The following DCLK2 variants were observed in gnomAD, a reference collection of about 807,000 sequenced individuals.
DCLK2 encodes doublecortin like kinase 2, also known as serine/threonine-protein kinase DCLK2.
Under a neutral mutation model 78.4 loss-of-function variants are expected in DCLK2, and 31 were observed. The observed-to-expected ratio is 0.40, with a 90% CI of 0.30 to 0.53. The LOEUF (loss-of-function observed/expected upper bound fraction) is 0.53. Ranked by LOEUF, DCLK2 falls within the 20% of genes least tolerant of loss-of-function variation. The pLI is 0.61. For synonymous variants in DCLK2, 407 were observed against 374.9 expected (o/e 1.09, Z -0.99); for missense variants, 872 against 973.7 (o/e 0.90, Z 1.39).
Position 150,127,438 on chromosome 4 carries a change from GA to G in DCLK2, c.756+24629del, listed in dbSNP as rs572332071. Among the ~76,000 whole-genome samples, 38 of 152,258 alleles carry G rather than the reference GA, an allele frequency of 2.5e-4. 1 individual carries two copies. Among genetic ancestry groups the G allele is most frequent in the Admixed American group, 1.9e-3 (29 of 15,292 alleles). On this transcript the variant is annotated intron_variant, in intron 2 of 15. Coordinates refer to ENST00000296550, the MANE Select transcript of DCLK2 (RefSeq NM_001040260.4). ...TTCAATTATTTATGTCAGTATGGAT[GA>G]AAGAATATTTTATTGTATGGGTTAT...
chr4:150,133,014 G>A (rs1039116738), intron 2 of DCLK2, among the ~76,000 whole-genome samples: 1 of 152,144 alleles, frequency 6.6e-6, no homozygotes, highest in South Asian at 2.1e-4. Context: ...ACTGATGATT[G>A]ATTAACATTG....
intron 4 of DCLK2, among the ~76,000 whole-genome samples, chr4:150,198,781 A>C (rs2126424588): frequency 6.6e-6 from 1 of 152,232 alleles, no homozygotes; most frequent in Admixed American, 6.5e-5. Flanking sequence ...ATTGTGAAAA[A>C]CCATGATTTT....
At position 150,257,277 on chromosome 4, in the gene DCLK2, T is replaced by G. The variant is rs1016112317; in HGVS notation, c.*1030T>G. 1 of 152,742 alleles carries G rather than the reference T, an allele frequency of 6.5e-6. No individual in the cohort carries two copies. The highest frequency in any genetic ancestry group is 2.4e-5 in the African/African-American group (1 of 41,472). 9.5% of individuals were successfully genotyped at this position (152,742 alleles called of 1,614,324 possible). ...GAAGGCTGCTGGCAGTTTTTCCTTT[T>G]TGTCCACCACCCTGCTCTTTTTAAT... On this transcript the variant is annotated 3_prime_UTR_variant, in exon 16 of 16. Transcript: ENST00000296550.
chr4:150,175,009 A>ATAT (rs1248338560), intron 2 of DCLK2, among the ~76,000 whole-genome samples: 3 of 14,748 alleles, frequency 2.0e-4, no homozygotes, highest in Admixed American at 1.2e-3. Context: ...AAAAAAAAAA[A>ATAT]AAATATATAT....
intron 2 of DCLK2, among the ~76,000 whole-genome samples, chr4:150,171,326 A>G (rs1736514151): frequency 6.6e-6 from 1 of 152,156 alleles, no homozygotes; most frequent in Non-Finnish European, 1.5e-5. Flanking sequence ...TAAAAATACA[A>G]AAAAATTAGC....
chr4:150,174,788 G>A (rs1034852628), intron 2 of DCLK2, among the ~76,000 whole-genome samples: 8 of 151,158 alleles, frequency 5.3e-5, no homozygotes, highest in African/African-American at 1.9e-4. Context: ...CCTGAGGTCA[G>A]GAGTTCAAGA....
At chr4:150,249,830 C>G (rs1743621970) in intron 15 of DCLK2, 146 bp downstream of exon 15, 1 of 701,668 alleles carries the variant, frequency 1.4e-6, no homozygotes, top group Non-Finnish European at 2.5e-6. Flanking sequence ...GTGGAGGGCA[C>G]TCATTCGGCA....
At chr4:150,184,311 A>G (rs1178021100) in intron 2 of DCLK2, among the ~76,000 whole-genome samples, 1 of 152,212 alleles carries the variant, frequency 6.6e-6, no homozygotes, top group Non-Finnish European at 1.5e-5. Context: ...AAATCGATGG[A>G]CATTACTATG....
chr4:150,250,863 C>G (rs1426514943), intron 15 of DCLK2, among the ~76,000 whole-genome samples: 4 of 115,940 alleles, frequency 3.5e-5, no homozygotes, highest in South Asian at 2.9e-4. Context: ...CATCCCCACA[C>G]CCCCAACATC....
Position 150,232,231 on chromosome 4 carries a change from T to C in DCLK2, c.1300-106T>C, listed in dbSNP as rs546847185. 1.3e-5 allele frequency: 18 copies of C among 1,389,574 alleles called. No homozygotes were observed. The African/African-American group carries it at 2.4e-4, about 19-fold the overall frequency. 86.1% of individuals were successfully genotyped at this position (1,389,574 alleles called of 1,614,324 possible). A position where few individuals can be genotyped will look rare whatever the true frequency, so the allele number is the denominator to read the frequency against. ...TCTTTGTGCCAAGAGCAATGCTTTCTTTGGCATCAGATCCACAGGCTGTGT... is the reference window on the plus strand; with the variant it reads ...TCTTTGTGCCAAGAGCAATGCTTTCCTTGGCATCAGATCCACAGGCTGTGT... On this transcript the variant is annotated intron_variant, in intron 8 of 15. Transcript: ENST00000296550.
intron 10 of DCLK2, among the ~76,000 whole-genome samples, chr4:150,237,337 T>A (rs967028767): frequency 6.6e-6 from 1 of 152,220 alleles, no homozygotes; most frequent in South Asian, 2.1e-4. Flanking sequence ...TCCGTTACTT[T>A]AGGCTGAATC....
At chr4:150,099,563 A>G (rs556244836) in intron 1 of DCLK2, among the ~76,000 whole-genome samples, 34 of 152,348 alleles carry the variant, frequency 2.2e-4, no homozygotes, top group Admixed American at 3.9e-4. Context: ...TATGACATCT[A>G]TACTTTAGGG....
chr4:150,180,699 CCTT>C (rs1484080518), intron 2 of DCLK2, among the ~76,000 whole-genome samples: 1 of 152,160 alleles, frequency 6.6e-6, no homozygotes, highest in Non-Finnish European at 1.5e-5. Flanking sequence ...CTCTCTCTGA[CCTT>C]CTCCTGCCCT....
chr4:150,221,783 C>T lies in DCLK2; in HGVS notation c.1239C>T (p.Asp413=), dbSNP rs767137443. The change falls in exon 7 of 16, where the codon GAC becomes GAT. Residue 413 remains aspartate, a splice_region_variant and synonymous_variant. Transcript: ENST00000296550. ...TTGCAGTAGTCAAAGAGTGTATAGA[C>T]AGGTGAGTGGACAGTGAGGATAATT... is the stretch of plus-strand genomic sequence containing the variant. The part of the protein sequence containing the change: ...GNFAVVKECI[D]RSTGKEFALK... 3.2e-6 allele frequency: 5 copies of T among 1,544,782 alleles called. No individual in the cohort carries two copies. Among genetic ancestry groups the T allele is most frequent in the East Asian group, 4.7e-5 (2 of 42,798 alleles).
In DCLK2 at chr4:150,197,991, T is replaced by C; in HGVS notation, c.860-11T>C. 1 of 1,602,686 alleles carries C rather than the reference T, an allele frequency of 6.2e-7. No individual in the cohort carries two copies. The highest frequency in any genetic ancestry group is 8.5e-7 in the Non-Finnish European group (1 of 1,176,700). On this transcript the variant is annotated splice_polypyrimidine_tract_variant and intron_variant, in intron 3 of 15. Coordinates refer to ENST00000296550, the MANE Select transcript of DCLK2 (RefSeq NM_001040260.4). ...ACCAGATTTAGTTAATGCACTTTTG[T>C]TCTTTTCTAGAATGTCGTGTCCTGA...
At chr4:150,151,544 A>G (rs1162981130) in intron 2 of DCLK2, among the ~76,000 whole-genome samples, 1 of 152,188 alleles carries the variant, frequency 6.6e-6, no homozygotes, top group East Asian at 1.9e-4. Context: ...CTTTTATTCC[A>G]CAAGAAGCTT....
At chr4:150,127,932 G>T (rs1266247279) in intron 2 of DCLK2, among the ~76,000 whole-genome samples, 1 of 152,220 alleles carries the variant, frequency 6.6e-6, no homozygotes, top group Non-Finnish European at 1.5e-5. Flanking sequence ...TTAAACAGTT[G>T]CTGTGGTTTG....
chr4:150,131,077 C>T (rs984153612), intron 2 of DCLK2, among the ~76,000 whole-genome samples: 6 of 152,044 alleles, frequency 3.9e-5, no homozygotes, highest in Admixed American at 2.6e-4. Flanking sequence ...GGCTGGAGTG[C>T]AGTGGTGTGA....
rs71596222 is a variant in DCLK2 at position 150,190,034 on chromosome 4, C to CAAAAAAAAAA, written c.757-3096_757-3087dup. ...TGGGCATCATAGGGAGACCCTGTCT[C>CAAAAAAAAAA]AAAAAAAAAAAAAAAAAGGCCAAGT... On this transcript the variant is annotated intron_variant, in intron 2 of 15. Coordinates refer to ENST00000296550, the MANE Select transcript of DCLK2 (RefSeq NM_001040260.4). 1.2e-3 allele frequency among the ~76,000 whole-genome samples: 32 copies of CAAAAAAAAAA among 26,234 alleles called. 5 individuals are homozygous for CAAAAAAAAAA. The highest frequency in any genetic ancestry group is 3.3e-3 in the African/African-American group (30 of 8,964). The allele number at this position is 26,234 out of a possible 152,430, so 17.2% of individuals were successfully genotyped here. A position where few individuals can be genotyped will look rare whatever the true frequency, so the allele number is the denominator to read the frequency against.
Sources: gnomAD v4.1 joint callset for allele counts (sites outside exome capture counted in the v4.1 genomes callset) on GRCh38, gnomAD v4.1.1 for gene constraint, MANE v1.5 for transcripts, NCBI Gene and HGNC (gene_info 2026-07-23, HGNC 2026-07-21) for gene names.